The following FGF14 variants were observed in gnomAD, a reference collection of about 807,000 sequenced individuals.
FGF14 encodes the protein fibroblast growth factor homologous factor 4.
FGF14 carries 5 observed loss-of-function variants against 25.5 expected under a neutral mutation model. That is an observed-to-expected ratio of 0.20 (90% CI 0.10 to 0.41). The LOEUF (loss-of-function observed/expected upper bound fraction) is 0.41, where lower values mean the gene tolerates loss of function less well. Ranked by LOEUF, FGF14 falls within the 10% of genes least tolerant of loss-of-function variation. The pLI is 1.00. For missense variants in FGF14, 222 were observed against 320.1 expected (o/e 0.69, Z 2.34); for synonymous variants, 138 against 118.3 (o/e 1.17, Z -1.08).
chr13:102,130,986 T>C (rs1324200726), intron 1 of FGF14, among the ~76,000 whole-genome samples: 1 of 152,178 alleles, frequency 6.6e-6, no homozygotes, highest in Admixed American at 6.5e-5. Context: ...TTCCACCAAG[T>C]GAATAAATGC....
chr13:101,982,909 T>C (rs192818082), intron 1 of FGF14, among the ~76,000 whole-genome samples: 3 of 152,316 alleles, frequency 2.0e-5, no homozygotes, highest in Admixed American at 1.3e-4. Flanking sequence ...TACAAACCCA[T>C]ATTTTTGAAG....
rs769184343 is a variant in FGF14 at position 101,796,099 on chromosome 13, T to A, written c.409-69289A>T. On this transcript the variant is annotated intron_variant, in intron 3 of 4. Coordinates refer to ENST00000376143, the MANE Select transcript of FGF14 (RefSeq NM_004115.4). ...CAGCAGTTCCTAGAAAAATAACCTATAATATTTTTAGAAATCGTAAAATAT... is the reference window on the plus strand; with the variant it reads ...CAGCAGTTCCTAGAAAAATAACCTAAAATATTTTTAGAAATCGTAAAATAT... Among the ~76,000 whole-genome samples, 3 of 152,122 alleles carry A rather than the reference T, an allele frequency of 2.0e-5. No individual in the cohort carries two copies. In the East Asian group the frequency reaches 5.8e-4, roughly 29 times the overall value.
At chr13:102,037,792 A>G (rs2041547800) in intron 1 of FGF14, among the ~76,000 whole-genome samples, 1 of 152,154 alleles carries the variant, frequency 6.6e-6, no homozygotes, top group South Asian at 2.1e-4. Flanking sequence ...TGAGCCTAGT[A>G]ATGGATTCCT....
chr13:102,124,727 C>A (rs2045879892), intron 1 of FGF14, among the ~76,000 whole-genome samples: 1 of 151,996 alleles, frequency 6.6e-6, no homozygotes, highest in African/African-American at 2.4e-5. Flanking sequence ...CAATGTTTTC[C>A]TTTTGTCTTT....
intron 1 of FGF14, among the ~76,000 whole-genome samples, chr13:102,231,385 C>A (rs1187548645): frequency 6.6e-6 from 1 of 152,114 alleles, no homozygotes; most frequent in Non-Finnish European, 1.5e-5. Flanking sequence ...TTGTGAACAG[C>A]AGTGACAGGA....
chr13:102,273,944 C>CAA (rs10627893), intron 1 of FGF14, among the ~76,000 whole-genome samples: 74,899 of 120,952 alleles, frequency 0.62, 21,142 homozygotes, highest in Middle Eastern at 0.72. Context: ...GACCCTGTCT[C>CAA]AAAAAAAAAA....
At chr13:102,155,425 C>A (rs1163291322) in intron 1 of FGF14, among the ~76,000 whole-genome samples, 2 of 152,086 alleles carry the variant, frequency 1.3e-5, no homozygotes, top group Non-Finnish European at 2.9e-5. Flanking sequence ...GGGTACATAA[C>A]GAAATGAAGG....
intron 1 of FGF14, among the ~76,000 whole-genome samples, chr13:102,225,376 C>G (rs530347248): frequency 6.6e-6 from 1 of 152,284 alleles, no homozygotes; most frequent in Non-Finnish European, 1.5e-5. Context: ...TAACTACCCG[C>G]TCATTCAGGG....
intron 1 of FGF14, among the ~76,000 whole-genome samples, chr13:101,971,700 T>G (rs2037606573): frequency 6.6e-6 from 1 of 152,212 alleles, no homozygotes; most frequent in South Asian, 2.1e-4. Flanking sequence ...GTAGTTATTA[T>G]CACTCCATTT....
rs2035057832 is a variant in FGF14 at position 101,722,453 on chromosome 13, T to C, written c.*378A>G. ...TTATTTGTGTGCTACAAAATTGAAC[T>C]TAAACACATAGATTTCGCTGAAACA... On this transcript the variant is annotated 3_prime_UTR_variant, in exon 5 of 5. Transcript: ENST00000376143. 3.0e-6 allele frequency: 1 copy of C among 327,870 alleles called. No homozygotes were observed. The highest frequency in any genetic ancestry group is 5.9e-6 in the Non-Finnish European group (1 of 168,430). 20.3% of individuals were successfully genotyped at this position (327,870 alleles called of 1,614,324 possible).
At chr13:101,733,059 A>G (rs1375947297) in intron 3 of FGF14, among the ~76,000 whole-genome samples, 1 of 152,226 alleles carries the variant, frequency 6.6e-6, no homozygotes, top group African/African-American at 2.4e-5. Flanking sequence ...TCTTAAGATT[A>G]CTTATAAAGA....
intron 1 of FGF14, among the ~76,000 whole-genome samples, 166 bp downstream of exon 1, chr13:101,916,287 G>T (rs1482155018): frequency 6.6e-6 from 1 of 152,230 alleles, no homozygotes; most frequent in Non-Finnish European, 1.5e-5. Flanking sequence ...CAGGTTGCCC[G>T]ACAGCGGACT....
chr13:102,279,944 A>G (rs2053745650), intron 1 of FGF14, among the ~76,000 whole-genome samples: 1 of 152,190 alleles, frequency 6.6e-6, no homozygotes, highest in African/African-American at 2.4e-5. Flanking sequence ...ATTTACATCT[A>G]TTGGAAACAG....
At chr13:102,274,216 T>C (rs2053395309) in intron 1 of FGF14, among the ~76,000 whole-genome samples, 1 of 152,204 alleles carries the variant, frequency 6.6e-6, no homozygotes, top group Non-Finnish European at 1.5e-5. Context: ...CCCTGTATCA[T>C]TCATTCTCTT....
At chr13:102,399,623 G>T (rs1289381624) in intron 1 of FGF14, among the ~76,000 whole-genome samples, 1 of 152,152 alleles carries the variant, frequency 6.6e-6, no homozygotes, top group Admixed American at 6.5e-5. Context: ...TACATCTTGG[G>T]GTACACTTCA....
chr13:101,985,843 T>C (rs1263512147), intron 1 of FGF14, among the ~76,000 whole-genome samples: 2 of 152,092 alleles, frequency 1.3e-5, no homozygotes, highest in Admixed American at 1.3e-4. Flanking sequence ...GATCTTTCAG[T>C]TTCCCATGTT....
At chr13:102,260,655 C>T (rs1212707101) in intron 1 of FGF14, among the ~76,000 whole-genome samples, 2 of 152,224 alleles carry the variant, frequency 1.3e-5, no homozygotes, top group African/African-American at 2.4e-5. Flanking sequence ...AGAGGCAAAA[C>T]GGGCATCAGG....
At position 102,219,385 on chromosome 13, in the gene FGF14, T is replaced by C. The variant is rs529179774; in HGVS notation, c.208+182086A>G. ...GTTACCCCAGAGACAGAAGAAGGAC[T>C]TCTTCACCCAGGACTTGACATCAAC... On this transcript the variant is annotated intron_variant, in intron 1 of 4. Coordinates refer to the FGF14 transcript ENST00000376131. 2.0e-5 allele frequency among the ~76,000 whole-genome samples: 3 copies of C among 152,286 alleles called. No individual in the cohort carries two copies. In the South Asian group the frequency reaches 6.2e-4, roughly 32 times the overall value.
intron 1 of FGF14, among the ~76,000 whole-genome samples, chr13:101,988,373 G>A (rs1478326795): frequency 1.3e-5 from 2 of 151,718 alleles, no homozygotes; most frequent in Non-Finnish European, 2.9e-5. Context: ...GCTAAATGAA[G>A]CACTATGTTC....
Sources: allele counts gnomAD v4.1 joint callset (sites outside exome capture counted in the v4.1 genomes callset), GRCh38; gene constraint gnomAD v4.1.1; transcripts MANE v1.5; gene names NCBI Gene and HGNC (gene_info 2026-07-23, HGNC 2026-07-21).